MECOM: variants seen among roughly 807,000 people sequenced by gnomAD.
MECOM encodes histone-lysine N-methyltransferase MECOM.
In MECOM, 13 loss-of-function variants were observed where a neutral mutation model predicts 116.3. The observed-to-expected ratio is 0.11, with a 90% confidence interval of 0.07 to 0.18. The LOEUF (loss-of-function observed/expected upper bound fraction) is 0.18, where lower values mean the gene tolerates loss of function less well. MECOM is among the 10% of genes least tolerant of loss of function. MECOM has a pLI of 1.00. For missense variants in MECOM, 1,299 were observed against 1,509.0 expected (o/e 0.86, Z 2.31); for synonymous variants, 528 against 535.2 (o/e 0.99, Z 0.19).
At chr3:169,218,596 AACCTGTGGTCT>A (rs1277983382) in intron 2 of MECOM, among the ~76,000 whole-genome samples, 2 of 152,204 alleles carry the variant, frequency 1.3e-5, no homozygotes, top group African/African-American at 4.8e-5. Flanking sequence ...AAAAGCCTGT[AACCTGTGGTCT>A]CACACAGTGA....
chr3:169,252,756 A>T (rs1023763786), intron 2 of MECOM, among the ~76,000 whole-genome samples: 2 of 152,208 alleles, frequency 1.3e-5, no homozygotes, highest in African/African-American at 4.8e-5. Flanking sequence ...TTCAGGTGTC[A>T]TCAGTGGTTT....
At chr3:169,183,685 C>T (rs1746287982) in intron 2 of MECOM, among the ~76,000 whole-genome samples, 1 of 151,200 alleles carries the variant, frequency 6.6e-6, no homozygotes, top group East Asian at 2.0e-4. Flanking sequence ...AACTTCCTGC[C>T]TTCCAAGAAG....
At chr3:169,534,854 G>A (rs1449790366) in intron 1 of MECOM, among the ~76,000 whole-genome samples, 1 of 152,180 alleles carries the variant, frequency 6.6e-6, no homozygotes, top group African/African-American at 2.4e-5. Context: ...AACCCCAATG[G>A]TCTGACTCCA....
intron 1 of MECOM, among the ~76,000 whole-genome samples, chr3:169,534,746 C>T (rs1026041941): frequency 6.6e-6 from 1 of 152,184 alleles, no homozygotes; most frequent in African/African-American, 2.4e-5. Context: ...GAGCAAGGTG[C>T]TATTCTCCCC....
chr3:169,395,811 T>C (rs1249568469), intron 1 of MECOM, among the ~76,000 whole-genome samples: 1 of 152,224 alleles, frequency 6.6e-6, no homozygotes, highest in African/African-American at 2.4e-5. Flanking sequence ...AGCCATACCT[T>C]ATAGATTGTA....
intron 1 of MECOM, among the ~76,000 whole-genome samples, chr3:169,655,728 C>T (rs375236353): frequency 4.0e-4 from 61 of 151,994 alleles, no homozygotes; most frequent in African/African-American, 1.4e-3. Context: ...AAATGCTTAC[C>T]GTAGACATGT....
At chr3:169,326,805 GTTAA>G (rs1009651119) in intron 2 of MECOM, among the ~76,000 whole-genome samples, 12 of 152,116 alleles carry the variant, frequency 7.9e-5, no homozygotes, top group African/African-American at 2.9e-4. Flanking sequence ...TTCAGTTCGT[GTTAA>G]TTAATATTCA....
In MECOM at chr3:169,577,564, G is replaced by A. The variant is rs1328034971; in HGVS notation, c.37+85772C>T. Among the ~76,000 whole-genome samples the A allele has an allele frequency of 2.0e-5, 3 of 151,570 alleles. No individual in the cohort carries two copies. The East Asian group carries it at 5.8e-4, about 29-fold the overall frequency. ...CTGAACACCAGATGGATGGTTAGAA[G>A]GTAAAGAAAAGACCAGACTCATAGT... is the stretch of plus-strand genomic sequence containing the variant. On this transcript the variant is annotated intron_variant, in intron 1 of 16. Coordinates refer to ENST00000651503, the MANE Select transcript of MECOM (RefSeq NM_004991.4).
intron 1 of MECOM, among the ~76,000 whole-genome samples, chr3:169,474,680 G>C (rs1029870196): frequency 6.6e-6 from 1 of 152,104 alleles, no homozygotes; most frequent in African/African-American, 2.4e-5. Context: ...CTCCACCAAA[G>C]AAGAGAAATC....
chr3:169,222,302 G>A (rs1348363693), intron 2 of MECOM, among the ~76,000 whole-genome samples: 1 of 152,224 alleles, frequency 6.6e-6, no homozygotes, highest in Non-Finnish European at 1.5e-5. Context: ...TTCAGAATTA[G>A]TTTAAAGGTA....
At chr3:169,136,564 T>C (rs1577111956) in intron 3 of MECOM, among the ~76,000 whole-genome samples, 1 of 152,008 alleles carries the variant, frequency 6.6e-6, no homozygotes, top group Non-Finnish European at 1.5e-5. Context: ...AAAGTTAATA[T>C]GCCATAAAAG....
In MECOM at chr3:169,347,769, C is replaced by T. The variant is rs137893853; in HGVS notation, c.375+33418G>A. On this transcript the variant is annotated intron_variant, in intron 2 of 16. Transcript: ENST00000651503. The stretch of plus-strand genomic sequence containing the variant: ...TTAGAAATTCTGTGTGGATGACAGG[C>T]CTCTGTGAACATAAGAGCAAGAGCT... Among the ~76,000 whole-genome samples, 47 of 152,074 alleles carry T rather than the reference C, an allele frequency of 3.1e-4. No homozygotes were observed. In the East Asian group the frequency reaches 8.1e-3, roughly 26 times the overall value.
At chr3:169,424,329 G>C (rs1004429496) in intron 1 of MECOM, among the ~76,000 whole-genome samples, 3 of 152,072 alleles carry the variant, frequency 2.0e-5, no homozygotes, top group African/African-American at 2.4e-5. Flanking sequence ...CGGTGGCACA[G>C]CTAAACCCTG....
intron 2 of MECOM, among the ~76,000 whole-genome samples, chr3:169,365,776 C>A (rs897143734): frequency 3.9e-5 from 6 of 151,938 alleles, no homozygotes; most frequent in African/African-American, 1.4e-4. Context: ...TAAGCCCCCA[C>A]CTGTGCAAGT....
chr3:169,405,447 T>A (rs1736545857), intron 1 of MECOM, among the ~76,000 whole-genome samples: 1 of 152,210 alleles, frequency 6.6e-6, no homozygotes, highest in South Asian at 2.1e-4. Context: ...ACTATTTCAA[T>A]TGAGTTCAGT....
intron 1 of MECOM, among the ~76,000 whole-genome samples, chr3:169,546,510 T>C (rs1380995911): frequency 1.3e-5 from 2 of 152,228 alleles, no homozygotes; most frequent in African/African-American, 4.8e-5. Context: ...AAGTGACTGG[T>C]CCAATGTACA....
chr3:169,098,974 T>TA (rs1193378487), intron 12 of MECOM, among the ~76,000 whole-genome samples: 1 of 152,216 alleles, frequency 6.6e-6, no homozygotes, highest in African/African-American at 2.4e-5. Context: ...AACTAAACTA[T>TA]AAAATCTATC....
chr3:169,315,336 G>A (rs896093430), intron 2 of MECOM, among the ~76,000 whole-genome samples: 1 of 152,162 alleles, frequency 6.6e-6, no homozygotes. Context: ...ACACTGTCCT[G>A]TTTGGCTCTT....
chr3:169,238,886 A>G (rs903436423), intron 2 of MECOM, among the ~76,000 whole-genome samples: 5 of 152,168 alleles, frequency 3.3e-5, no homozygotes, highest in African/African-American at 1.2e-4. Flanking sequence ...TACACAAAAT[A>G]TGTATTATGA....
Sources: gnomAD v4.1 joint callset for allele counts (sites outside exome capture counted in the v4.1 genomes callset) on GRCh38, gnomAD v4.1.1 for gene constraint, MANE v1.5 for transcripts, NCBI Gene and HGNC (gene_info 2026-07-23, HGNC 2026-07-21) for gene names.